The following FRMD4B variants were observed in gnomAD, a reference collection of about 807,000 sequenced individuals.
FRMD4B encodes the protein FERM domain containing 4B.
Under a neutral mutation model 141.5 loss-of-function variants are expected in FRMD4B, and 74 were observed. The ratio of observed to expected loss-of-function variants is 0.52; its 90% CI spans 0.43 to 0.63. FRMD4B has a LOEUF of 0.63. Among genes scored for constraint, FRMD4B ranks in the 30% least tolerant of loss-of-function variants. The probability of loss-of-function intolerance (pLI) is 0.00; values close to 1 mark genes in which losing one functional copy is unlikely to be tolerated. For missense variants in FRMD4B, 1,366 were observed against 1,253.4 expected, an observed-to-expected ratio of 1.09 and a Z score of -1.36; for synonymous variants, 506 against 467.9, an observed-to-expected ratio of 1.08 and a Z score of -1.05.
chr3:69,489,521 CA>C (rs138583664), intron 1 of FRMD4B, among the ~76,000 whole-genome samples: 16,191 of 152,026 alleles, frequency 0.11, 956 homozygotes, highest in South Asian at 0.19. Context: ...AAATGCAAAT[CA>C]AAACCAGAGT....
chr3:69,212,381 G>GAAAAAAAAA (rs61444871), intron 11 of FRMD4B, among the ~76,000 whole-genome samples: 11 of 95,566 alleles, frequency 1.2e-4, no homozygotes, highest in South Asian at 3.6e-4. Context: ...AAAAAAAAAA[G>GAAAAAAAAA]AAAAAAAAAA....
At chr3:69,195,643 T>C (rs534589513) in intron 14 of FRMD4B, among the ~76,000 whole-genome samples, 25 of 152,262 alleles carry the variant, frequency 1.6e-4, no homozygotes, top group African/African-American at 5.3e-4. Context: ...AAGAAAAATT[T>C]CATTTTTCTG....
intron 1 of FRMD4B, among the ~76,000 whole-genome samples, chr3:69,482,730 C>G (rs1447539850): frequency 2.0e-5 from 3 of 152,222 alleles, no homozygotes; most frequent in African/African-American, 7.2e-5. Context: ...CGTCCAGGGA[C>G]TGTCAAAAGT....
Position 69,409,718 on chromosome 3 carries a change from A to C in FRMD4B, c.-1+22916T>G, listed in dbSNP as rs1704721942. On this transcript the variant is annotated intron_variant, in intron 2 of 5. Coordinates refer to the FRMD4B transcript ENST00000459638. ...GGGAATCTCAGGGCTATTGCTTGGA[A>C]ATCTAGGATAAAGGTACCCTCTCTT... Among the ~76,000 whole-genome samples, 3 of 152,142 alleles carry C rather than the reference A, an allele frequency of 2.0e-5. No individual in the cohort carries two copies. The South Asian group carries it at 6.2e-4, about 32-fold the overall frequency.
intron 1 of FRMD4B, among the ~76,000 whole-genome samples, chr3:69,532,709 G>A (rs984969454): frequency 6.6e-6 from 1 of 152,182 alleles, no homozygotes; most frequent in Admixed American, 6.5e-5. Context: ...CAAGCTTTGT[G>A]CCTGTCCCGC....
At chr3:69,264,129 G>A (rs747497838) in intron 5 of FRMD4B, among the ~76,000 whole-genome samples, 4 of 152,088 alleles carry the variant, frequency 2.6e-5, no homozygotes, top group African/African-American at 4.8e-5. Flanking sequence ...GACCTCCATT[G>A]GCATTACTGG....
At chr3:69,469,162 G>A (rs892248959) in intron 1 of FRMD4B, among the ~76,000 whole-genome samples, 1 of 152,168 alleles carries the variant, frequency 6.6e-6, no homozygotes, top group African/African-American at 2.4e-5. Flanking sequence ...GCTCGGGGAT[G>A]TAGTTGTTAT....
At chr3:69,280,253 G>A (rs950559000) in intron 5 of FRMD4B, among the ~76,000 whole-genome samples, 1 of 152,154 alleles carries the variant, frequency 6.6e-6, no homozygotes, top group Non-Finnish European at 1.5e-5. Flanking sequence ...GGCAAGGTGG[G>A]CCCCTCTGCA....
intron 4 of FRMD4B, 125 bp from the exon 5 acceptor site, chr3:69,287,961 C>T: frequency 1.7e-6 from 1 of 587,882 alleles, no homozygotes; most frequent in Admixed American, 3.2e-5. Context: ...GCTTTCTTTT[C>T]CGTTTTAAAA....
intron 3 of FRMD4B, 114 bp from the exon 4 acceptor site, chr3:69,302,549 G>C (rs1341100460): frequency 2.5e-5 from 17 of 684,372 alleles, no homozygotes; most frequent in Non-Finnish European, 4.0e-5. Flanking sequence ...GATGGTAGGA[G>C]CACAACCTGT....
At chr3:69,306,011 G>A (rs1425223098) in intron 3 of FRMD4B, among the ~76,000 whole-genome samples, 4 of 151,892 alleles carry the variant, frequency 2.6e-5, no homozygotes, top group Non-Finnish European at 5.9e-5. Context: ...AAAAGGGACT[G>A]GACTCAACCA....
chr3:69,324,365 C>A (rs1019935212), intron 1 of FRMD4B, among the ~76,000 whole-genome samples: 1 of 152,248 alleles, frequency 6.6e-6, no homozygotes, highest in South Asian at 2.1e-4. Flanking sequence ...GTGCTGAGCA[C>A]TCTCTAAGTG....
At chr3:69,311,126 C>T in intron 3 of FRMD4B, 137 bp downstream of exon 3, 3 of 496,820 alleles carry the variant, frequency 6.0e-6, no homozygotes, top group Non-Finnish European at 1.1e-5. Context: ...AGAAAAATCG[C>T]ATATTAAAAA....
At chr3:69,291,235 AT>A (rs1234805883) in intron 4 of FRMD4B, among the ~76,000 whole-genome samples, 6 of 152,032 alleles carry the variant, frequency 3.9e-5, no homozygotes, top group Non-Finnish European at 7.4e-5. Flanking sequence ...TTCTAAGATT[AT>A]TTTTTTCCTT....
chr3:69,278,213 A>C (rs2106978538), intron 5 of FRMD4B, among the ~76,000 whole-genome samples: 1 of 152,354 alleles, frequency 6.6e-6, no homozygotes, highest in Non-Finnish European at 1.5e-5. Context: ...TTTAAAAAAG[A>C]ATTTCACATA....
At chr3:69,235,266 T>C (rs1559740627) in intron 7 of FRMD4B, among the ~76,000 whole-genome samples, 1 of 151,836 alleles carries the variant, frequency 6.6e-6, no homozygotes. Flanking sequence ...TGAGCAAAGC[T>C]TTTGGGTGGA....
At chr3:69,335,204 G>A (rs797003319) in intron 1 of FRMD4B, among the ~76,000 whole-genome samples, 8 of 152,158 alleles carry the variant, frequency 5.3e-5, no homozygotes, top group African/African-American at 9.6e-5. Flanking sequence ...GCTAGGAAAC[G>A]GCTATTTGAG....
chr3:69,537,531 C>T (rs1701106874), intron 1 of FRMD4B, among the ~76,000 whole-genome samples: 1 of 152,136 alleles, frequency 6.6e-6, no homozygotes, highest in African/African-American at 2.4e-5. Flanking sequence ...TAAATGAAAA[C>T]AGGATCACGA....
intron 7 of FRMD4B, among the ~76,000 whole-genome samples, chr3:69,244,893 G>T (rs746314132): frequency 4.6e-5 from 7 of 151,986 alleles, no homozygotes; most frequent in Admixed American, 6.6e-5. Context: ...ACACACAGAT[G>T]TTCATCACAG....
Sources: gnomAD v4.1 joint callset for allele counts (sites outside exome capture counted in the v4.1 genomes callset) on GRCh38, gnomAD v4.1.1 for gene constraint, MANE v1.5 for transcripts, NCBI Gene and HGNC (gene_info 2026-07-23, HGNC 2026-07-21) for gene names.